The following RBFOX1 variants were observed in gnomAD, a reference collection of about 807,000 sequenced individuals.
RBFOX1 encodes the protein RNA binding fox-1 homolog 1.
Under a neutral mutation model 57.7 loss-of-function variants are expected in RBFOX1, and 8 were observed. That is an observed-to-expected ratio of 0.14 (90% CI 0.08 to 0.25). The LOEUF (loss-of-function observed/expected upper bound fraction) is 0.25. Among genes scored for constraint, RBFOX1 ranks in the 10% least tolerant of loss-of-function variants. The probability of loss-of-function intolerance (pLI) is 1.00; values close to 1 mark genes in which losing one functional copy is unlikely to be tolerated. For synonymous variants in RBFOX1, 326 were observed against 222.4 expected, an observed-to-expected ratio of 1.47 and a Z score of -4.15; for missense variants, 611 against 548.5, an observed-to-expected ratio of 1.11 and a Z score of -1.14.
At chr16:6,597,097 T>C (rs1325022912) in intron 2 of RBFOX1, among the ~76,000 whole-genome samples, 1 of 152,150 alleles carries the variant, frequency 6.6e-6, no homozygotes, top group Admixed American at 6.5e-5. Context: ...ATTGCTGTGT[T>C]CTGTTCTTTT....
chr16:7,365,896 C>G (rs2097434574), intron 4 of RBFOX1, among the ~76,000 whole-genome samples: 1 of 152,216 alleles, frequency 6.6e-6, no homozygotes. Context: ...TTCTTTGTCT[C>G]CTTTCTTTGT....
At chr16:7,661,678 G>A (rs1328789350) in intron 12 of RBFOX1, among the ~76,000 whole-genome samples, 2 of 152,198 alleles carry the variant, frequency 1.3e-5, no homozygotes, top group South Asian at 2.1e-4. Context: ...TACTGAGGGG[G>A]CTTTCTTCTT....
At chr16:5,509,344 C>T (rs2043497117) in intron 2 of RBFOX1, among the ~76,000 whole-genome samples, 2 of 152,192 alleles carry the variant, frequency 1.3e-5, no homozygotes, top group Admixed American at 1.3e-4. Context: ...ATGGTACTCC[C>T]TGTGAATGAG....
chr16:7,056,016 C>T (rs772151434), intron 4 of RBFOX1, among the ~76,000 whole-genome samples: 2 of 152,190 alleles, frequency 1.3e-5, no homozygotes, highest in Admixed American at 1.3e-4. Context: ...TTCTACCCAT[C>T]TTGGCATTGT....
intron 4 of RBFOX1, among the ~76,000 whole-genome samples, chr16:7,360,949 C>G (rs1469608997): frequency 1.3e-5 from 2 of 152,256 alleles, no homozygotes; most frequent in Admixed American, 6.5e-5. Flanking sequence ...AGTTTTTCTT[C>G]TTTCATTCCA....
intron 2 of RBFOX1, among the ~76,000 whole-genome samples, chr16:6,566,003 C>T (rs1329962494): frequency 6.6e-6 from 1 of 152,216 alleles, no homozygotes; most frequent in Non-Finnish European, 1.5e-5. Context: ...ATTTGTTCTT[C>T]ATGCAGGGTC....
chr16:7,156,116 C>T (rs1383983153), intron 4 of RBFOX1, among the ~76,000 whole-genome samples: 1 of 151,942 alleles, frequency 6.6e-6, no homozygotes, highest in Admixed American at 6.6e-5. Context: ...AAGCAATCTG[C>T]CCACTTTGGC....
chr16:7,272,295 C>T (rs1377556167), intron 4 of RBFOX1, among the ~76,000 whole-genome samples: 1 of 152,256 alleles, frequency 6.6e-6, no homozygotes, highest in East Asian at 1.9e-4. Context: ...AGTGATTGTC[C>T]TGCCTCGGCC....
intron 10 of RBFOX1, among the ~76,000 whole-genome samples, chr16:7,620,103 A>G (rs2059078879): frequency 6.6e-6 from 1 of 152,206 alleles, no homozygotes; most frequent in South Asian, 2.1e-4. Context: ...ATAGCTATAA[A>G]TTTGCTATTT....
intron 4 of RBFOX1, among the ~76,000 whole-genome samples, chr16:5,966,926 G>T (rs1454887832): frequency 7.2e-5 from 9 of 124,912 alleles, no homozygotes; most frequent in African/African-American, 2.1e-4. Context: ...AATCACTGAA[G>T]ATTTATTTTC....
intron 4 of RBFOX1, among the ~76,000 whole-genome samples, chr16:7,507,075 C>T (rs760255599): frequency 6.6e-6 from 1 of 152,100 alleles, no homozygotes; most frequent in Non-Finnish European, 1.5e-5. Flanking sequence ...GAAACTGGGT[C>T]ACATAAAGGT....
At chr16:5,418,003 C>A (rs1200605405) in intron 1 of RBFOX1, among the ~76,000 whole-genome samples, 2 of 152,076 alleles carry the variant, frequency 1.3e-5, no homozygotes, top group African/African-American at 4.8e-5. Context: ...ATCACTTGAA[C>A]CGAGGAGGCA....
chr16:7,329,110 C>T (rs1017411117), intron 4 of RBFOX1, among the ~76,000 whole-genome samples: 4 of 152,290 alleles, frequency 2.6e-5, no homozygotes, highest in South Asian at 2.1e-4. Context: ...GAATTTTGAG[C>T]AGTTGCAGCA....
chr16:7,680,975 T>C (rs1019852188), intron 14 of RBFOX1, among the ~76,000 whole-genome samples: 2 of 152,148 alleles, frequency 1.3e-5, no homozygotes, highest in African/African-American at 4.8e-5. Flanking sequence ...TAAAGCTTAA[T>C]GCAAAGAGAC....
chr16:6,869,318 A>T (rs1317949957), intron 3 of RBFOX1, among the ~76,000 whole-genome samples: 2 of 152,188 alleles, frequency 1.3e-5, no homozygotes. Flanking sequence ...CCACTGCCAG[A>T]TGAAGAAATG....
intron 9 of RBFOX1, among the ~76,000 whole-genome samples, chr16:7,600,913 A>G (rs1380723853): frequency 6.6e-6 from 1 of 152,242 alleles, no homozygotes; most frequent in African/African-American, 2.4e-5. Flanking sequence ...TGGACATTCT[A>G]TTAAAAAGTT....
At chr16:7,001,450 A>ATACGTG (rs2092796337) in intron 3 of RBFOX1, among the ~76,000 whole-genome samples, 1 of 144,064 alleles carries the variant, frequency 6.9e-6, no homozygotes, top group Middle Eastern at 3.2e-3. Flanking sequence ...ATGTATATGT[A>ATACGTG]TATGTATACG....
At chr16:5,737,091 C>G (rs1004672422) in intron 3 of RBFOX1, among the ~76,000 whole-genome samples, 1 of 151,960 alleles carries the variant, frequency 6.6e-6, no homozygotes, top group African/African-American at 2.4e-5. Flanking sequence ...CTTGCATTGC[C>G]CATAATCTGC....
intron 1 of RBFOX1, among the ~76,000 whole-genome samples, chr16:6,220,960 G>T (rs760470233): frequency 2.0e-4 from 31 of 151,926 alleles, no homozygotes; most frequent in Middle Eastern, 3.4e-3. Flanking sequence ...TTCACTCTGT[G>T]TGTGTGTGTG....
Sources: gnomAD v4.1 joint callset for allele counts (sites outside exome capture counted in the v4.1 genomes callset) on GRCh38, gnomAD v4.1.1 for gene constraint, MANE v1.5 for transcripts, NCBI Gene and HGNC (gene_info 2026-07-23, HGNC 2026-07-21) for gene names.